The following CFAP57 variants were observed in gnomAD, a reference collection of about 807,000 sequenced individuals.
The protein encoded by CFAP57 is cilia- and flagella-associated protein 57.
A neutral mutation model predicts 146.8 loss-of-function variants in CFAP57; 116 were observed. The ratio of observed to expected loss-of-function variants is 0.79; its 90% CI spans 0.68 to 0.92. CFAP57 has a LOEUF of 0.92. Ranked by LOEUF, CFAP57 falls within the 40% of genes least tolerant of loss-of-function variation. The pLI is 0.00. For missense variants in CFAP57, 1,377 were observed against 1,527.2 expected, an observed-to-expected ratio of 0.90 and a Z score of 1.64; for synonymous variants, 518 against 552.8, an observed-to-expected ratio of 0.94 and a Z score of 0.88.
chr1:43,245,342 G>A (rs984492240), intron 22 of CFAP57, among the ~76,000 whole-genome samples: 1 of 127,370 alleles, frequency 7.9e-6, no homozygotes, highest in Non-Finnish European at 1.7e-5. Context: ...AAAAAAAAAA[G>A]TTTTAAATAT....
intron 17 of CFAP57, among the ~76,000 whole-genome samples, chr1:43,225,671 T>C (rs1485338951): frequency 6.6e-6 from 1 of 152,254 alleles, no homozygotes; most frequent in African/African-American, 2.4e-5. Context: ...TTGCCTTCTG[T>C]GCTTTACAAC....
intron 21 of CFAP57, among the ~76,000 whole-genome samples, chr1:43,242,369 A>G (rs1176020800): frequency 3.3e-5 from 5 of 152,126 alleles, no homozygotes; most frequent in African/African-American, 1.2e-4. Flanking sequence ...CACTCTCTAT[A>G]CTCTAGGATT....
At chr1:43,207,033 A>G in intron 10 of CFAP57, 101 bp downstream of exon 10, 1 of 1,164,702 alleles carries the variant, frequency 8.6e-7, no homozygotes, top group Non-Finnish European at 1.3e-6. Context: ...GGGCCTCTGC[A>G]TACAGGGCCC....
At chr1:43,227,743 G>T (rs936201374) in intron 18 of CFAP57, among the ~76,000 whole-genome samples, 7 of 151,938 alleles carry the variant, frequency 4.6e-5, no homozygotes, top group South Asian at 2.1e-4. Flanking sequence ...CCTGCAACGT[G>T]TGTTGCCCCA....
chr1:43,181,509 T>G lies in CFAP57; in HGVS notation c.158-25T>G, dbSNP rs59240716. 2.6e-3 allele frequency: 4,224 copies of G among 1,613,562 alleles called. 87 individuals are homozygous for G. The African/African-American group carries it at 0.05, about 19-fold the overall frequency. On this transcript the variant is annotated intron_variant, in intron 2 of 22. Coordinates refer to ENST00000372492, the MANE Select transcript of CFAP57 (RefSeq NM_001378189.1). ...TGGTGAAAGTGTGATCTACCCTGATTATTTCCTTTTTCCTCTGTTTGCAGG... is the reference window on the plus strand; with the variant it reads ...TGGTGAAAGTGTGATCTACCCTGATGATTTCCTTTTTCCTCTGTTTGCAGG...
intron 18 of CFAP57, among the ~76,000 whole-genome samples, chr1:43,230,330 A>T (rs1404135184): frequency 1.3e-5 from 2 of 152,208 alleles, no homozygotes; most frequent in East Asian, 1.9e-4. Context: ...CCAAACTGGC[A>T]GCCTCCTGAC....
At chr1:43,196,228 G>C (rs1189621838) in intron 6 of CFAP57, among the ~76,000 whole-genome samples, 1 of 152,212 alleles carries the variant, frequency 6.6e-6, no homozygotes, top group African/African-American at 2.4e-5. Context: ...TCAGGCAGAG[G>C]GGGAAGAGAG....
At position 43,185,133 on chromosome 1, in the gene CFAP57, GT is replaced by G. The variant is rs762788959; in HGVS notation, c.762-9del. 3.7e-6 allele frequency: 6 copies of G among 1,613,216 alleles called. No individual in the cohort carries two copies. The highest frequency in any genetic ancestry group is 4.2e-6 in the Non-Finnish European group (5 of 1,179,496). ...ATTGTCTCTATAAATTATGTATGCT[GT>G]TTTTTTGTTTCCAGCCTGATTGAAT... On this transcript the variant is annotated splice_polypyrimidine_tract_variant and intron_variant, in intron 4 of 22. Transcript: ENST00000372492.
At chr1:43,223,460 A>G (rs1645129104) in intron 16 of CFAP57, among the ~76,000 whole-genome samples, 2 of 152,288 alleles carry the variant, frequency 1.3e-5, no homozygotes, top group African/African-American at 4.8e-5. Flanking sequence ...ATGGGGGTGT[A>G]GGATGCTTAG....
intron 22 of CFAP57, among the ~76,000 whole-genome samples, chr1:43,251,612 AAAAAC>A (rs1463088663): frequency 1.3e-5 from 2 of 152,392 alleles, no homozygotes; most frequent in Non-Finnish European, 2.9e-5. Context: ...TCACAAATGA[AAAAAC>A]AAAGCAATTA....
chr1:43,235,284 G>A (rs559263798), intron 21 of CFAP57, among the ~76,000 whole-genome samples: 3 of 152,110 alleles, frequency 2.0e-5, no homozygotes, highest in East Asian at 1.9e-4. Context: ...CATTACTGCC[G>A]CCTCCACACA....
In CFAP57 at chr1:43,212,342, C is replaced by T. The variant is rs140287449; in HGVS notation, c.1929+2426C>T. On this transcript the variant is annotated intron_variant, in intron 11 of 22. Coordinates refer to ENST00000372492, the MANE Select transcript of CFAP57 (RefSeq NM_001378189.1). ...GCCTACCACTAATTTGTTCTTATTT[C>T]CATAACTTTTGTCATTTTGAGAACT... Among the ~76,000 whole-genome samples the T allele has an allele frequency of 3.9e-5, 6 of 152,290 alleles. No homozygotes were observed. The South Asian group carries it at 6.2e-4, about 16-fold the overall frequency.
At chr1:43,213,618 G>T (rs12749472) in intron 11 of CFAP57, among the ~76,000 whole-genome samples, 115,506 of 151,804 alleles carry the variant, frequency 0.76, 45,322 homozygotes, top group Middle Eastern at 0.9. Flanking sequence ...TAGTTTTTTT[G>T]AGAAGTCTAC....
intron 2 of CFAP57, among the ~76,000 whole-genome samples, chr1:43,180,238 TAAA>T (rs1195243572): frequency 1.2e-4 from 17 of 137,752 alleles, no homozygotes; most frequent in Admixed American, 4.0e-4. Context: ...TATATATATA[TAAA>T]ATATATATAC....
At chr1:43,189,968 G>T (rs1337635506) in intron 6 of CFAP57, among the ~76,000 whole-genome samples, 1 of 152,168 alleles carries the variant, frequency 6.6e-6, no homozygotes, top group South Asian at 2.1e-4. Context: ...AATGATCCAA[G>T]CACCTCCCAC....
In CFAP57 at chr1:43,197,491, C is replaced by T. The variant is rs915427501; in HGVS notation, c.1123-62C>T. The T allele has an allele frequency of 3.1e-6, 5 of 1,610,956 alleles. No individual in the cohort carries two copies. In the African/African-American group the frequency reaches 4.0e-5, roughly 13 times the overall value. ...TAATGTTCATGGGAACTAATTAGAG[C>T]TGACATGTACAGCCAGCCTTTTGCT... On this transcript the variant is annotated intron_variant, in intron 6 of 22. Transcript: ENST00000372492.
chr1:43,229,728 A>G (rs1428488997), intron 18 of CFAP57, among the ~76,000 whole-genome samples: 2 of 148,624 alleles, frequency 1.3e-5, no homozygotes, highest in Non-Finnish European at 3.0e-5. Context: ...CAAGCTCAGC[A>G]CTACTACTAT....
chr1:43,210,913 G>A (rs1042654964), intron 11 of CFAP57: 1 of 145,598 alleles, frequency 6.9e-6, no homozygotes, highest in Non-Finnish European at 1.5e-5. Context: ...ATAGCCAATA[G>A]TAAATTAAAA....
Position 43,254,289 on chromosome 1 carries a change from C to A in CFAP57, c.*98C>A. ...GTTGGAGTCTGTATGGTCCCTGCAG[C>A]ACTGACCCCAGCAACCTCTTTCTCT... On this transcript the variant is annotated 3_prime_UTR_variant, in exon 23 of 23. Transcript: ENST00000372492. 9.4e-7 allele frequency: 1 copy of A among 1,064,342 alleles called. No homozygotes were observed. Among genetic ancestry groups the A allele is most frequent in the Non-Finnish European group, 1.3e-6 (1 of 747,252 alleles). The allele number at this position is 1,064,342 out of a possible 1,614,324, so 65.9% of individuals were successfully genotyped here. A position where few individuals can be genotyped will look rare whatever the true frequency, so the allele number is the denominator to read the frequency against.
Sources: allele counts gnomAD v4.1 joint callset (sites outside exome capture counted in the v4.1 genomes callset), GRCh38; gene constraint gnomAD v4.1.1; transcripts MANE v1.5; gene names NCBI Gene and HGNC (gene_info 2026-07-23, HGNC 2026-07-21).